RALGPS1: variants seen among roughly 807,000 people sequenced by gnomAD.
RALGPS1 encodes ras-specific guanine nucleotide-releasing factor RalGPS1.
Under a neutral mutation model 78.8 loss-of-function variants are expected in RALGPS1, and 19 were observed. The ratio of observed to expected loss-of-function variants is 0.24; its 90% CI spans 0.17 to 0.35. RALGPS1 has a LOEUF of 0.35. RALGPS1 is among the 10% of genes least tolerant of loss of function. The probability of loss-of-function intolerance (pLI) is 1.00; values close to 1 mark genes in which losing one functional copy is unlikely to be tolerated. For synonymous variants in RALGPS1, 228 were observed against 256.3 expected (o/e 0.89, Z 1.06); for missense variants, 454 against 688.3 (o/e 0.66, Z 3.81).
Position 127,168,751 on chromosome 9 carries a change from T to A in RALGPS1, c.821T>A (p.Phe274Tyr). The change falls in exon 10 of 19, where the codon TTT (phenylalanine) becomes TAT (tyrosine). Residue 274 changes from phenylalanine to tyrosine, a missense_variant. By Grantham distance (22) the Phe-to-Tyr change is conservative (BLOSUM62 3). Coordinates refer to ENST00000259351, the MANE Select transcript of RALGPS1 (RefSeq NM_014636.3). ...SVRYIEELQK[F>Y]VEDDNYKLSL... ...CGCTACATTGAAGAGCTCCAGAAGT[T>A]TGTGGAAGACGACAACTACAAGTAA... 1 of 1,612,114 alleles carries A rather than the reference T, an allele frequency of 6.2e-7. No homozygotes were observed. Among genetic ancestry groups the A allele is most frequent in the Non-Finnish European group, 8.5e-7 (1 of 1,178,136 alleles).
At chr9:127,160,146 G>A (rs755947609) in intron 8 of RALGPS1, among the ~76,000 whole-genome samples, 2 of 152,174 alleles carry the variant, frequency 1.3e-5, no homozygotes, top group African/African-American at 2.4e-5. Flanking sequence ...GGTGCCAGCC[G>A]TGGGCTTTGG....
At position 127,195,121 on chromosome 9, in the gene RALGPS1, T is replaced by A; in HGVS notation, c.941T>A (p.Phe314Tyr). 6.2e-7 allele frequency: 1 copy of A among 1,613,498 alleles called. No individual in the cohort carries two copies. The highest frequency in any genetic ancestry group is 1.1e-5 in the South Asian group (1 of 91,082). ...TCTGCTGGCTCCGGTTCTGCGAGGT[T>A]CAGCCGGAGGCCCACCTGTCCTGAC... ...GPSAGSGSARFSRRPTCPDTS... is the reference protein window; with the variant it reads ...GPSAGSGSARYSRRPTCPDTS... Residue 314 changes from phenylalanine to tyrosine, a missense_variant, in exon 12 of 19, where the codon TTC becomes TAC. Transcript: ENST00000259351.
At position 127,041,031 on chromosome 9, in the gene RALGPS1, T is replaced by TG. The variant is rs71493874; in HGVS notation, c.300+6517_300+6518insG. ...CTATGAATAAAGCTGCTACAAACAT[T>TG]TGTGTGTGTGTGTGTGTGTGTGTGT... On this transcript the variant is annotated intron_variant, in intron 5 of 18. Transcript: ENST00000259351. Among the ~76,000 whole-genome samples the TG allele has an allele frequency of 8.1e-5, 11 of 135,826 alleles. No homozygotes were observed. The East Asian group carries it at 1.5e-3, about 19-fold the overall frequency. The allele number at this position is 135,826 out of a possible 152,430, so 89.1% of individuals were successfully genotyped here.
intron 2 of RALGPS1, among the ~76,000 whole-genome samples, chr9:126,964,746 G>A (rs1425487576): frequency 1.3e-5 from 2 of 151,008 alleles, no homozygotes; most frequent in Non-Finnish European, 3.0e-5. Context: ...TTAAGTTCCT[G>A]CTCCTCTTTT....
intron 1 of RALGPS1, among the ~76,000 whole-genome samples, chr9:126,933,036 G>A (rs969523950): frequency 3.3e-5 from 5 of 152,148 alleles, no homozygotes; most frequent in Admixed American, 2.0e-4. Context: ...GGGTGGTGGT[G>A]AAGCTGGCGA....
chr9:127,042,865 T>C (rs2047439202), intron 5 of RALGPS1, among the ~76,000 whole-genome samples: 3 of 152,134 alleles, frequency 2.0e-5, no homozygotes, highest in Admixed American at 2.0e-4. Context: ...ATTGATTTCC[T>C]CTAGACCAGC....
At chr9:127,121,456 A>G (rs2056075469) in intron 8 of RALGPS1, among the ~76,000 whole-genome samples, 1 of 152,188 alleles carries the variant, frequency 6.6e-6, no homozygotes, top group South Asian at 2.1e-4. Context: ...GTGAAAGGAG[A>G]TGCTTTTCCA....
intron 1 of RALGPS1, among the ~76,000 whole-genome samples, chr9:126,943,685 G>C (rs2036984402): frequency 6.6e-6 from 1 of 152,100 alleles, no homozygotes; most frequent in Non-Finnish European, 1.5e-5. Flanking sequence ...GTCACCTGGG[G>C]TGTGCCCTTT....
chr9:127,214,615 T>G, intron 17 of RALGPS1, 136 bp from the exon 18 acceptor site: 1 of 1,376,730 alleles, frequency 7.3e-7, no homozygotes, highest in Non-Finnish European at 9.5e-7. Flanking sequence ...GGAGGCTGCT[T>G]TCTCTGCATG....
chr9:127,019,614 A>G (rs1232396367), intron 4 of RALGPS1, among the ~76,000 whole-genome samples: 5 of 152,134 alleles, frequency 3.3e-5, no homozygotes, highest in Admixed American at 6.5e-5. Context: ...GGTGTGAGCA[A>G]CCGCGCCTGG....
intron 8 of RALGPS1, chr9:127,093,717 C>T (rs1208053968): frequency 1.2e-6 from 2 of 1,613,162 alleles, no homozygotes; most frequent in Non-Finnish European, 1.7e-6. Flanking sequence ...CACAGACATC[C>T]CCTGCCGAGT....
intron 11 of RALGPS1, among the ~76,000 whole-genome samples, chr9:127,188,341 C>T (rs2060798453): frequency 6.6e-6 from 1 of 152,106 alleles, no homozygotes; most frequent in Non-Finnish European, 1.5e-5. Context: ...CACATGGAAC[C>T]CCTTGCGGGG....
chr9:127,018,467 C>G (rs1242675198), intron 4 of RALGPS1, among the ~76,000 whole-genome samples: 1 of 151,956 alleles, frequency 6.6e-6, no homozygotes, highest in Admixed American at 6.6e-5. Flanking sequence ...AACTCCGTCT[C>G]TACTAAAAAT....
At chr9:127,097,548 C>A (rs1476744639) in intron 8 of RALGPS1, among the ~76,000 whole-genome samples, 1 of 152,196 alleles carries the variant, frequency 6.6e-6, no homozygotes, top group African/African-American at 2.4e-5. Flanking sequence ...TGGCAAAGGT[C>A]AGAAACATCA....
chr9:126,964,093 C>T (rs367891911), intron 2 of RALGPS1, among the ~76,000 whole-genome samples: 4 of 151,870 alleles, frequency 2.6e-5, no homozygotes, highest in African/African-American at 9.7e-5. Context: ...TGTGGTGGCT[C>T]ATGCTTGTAA....
rs1379046710 is a variant in RALGPS1, at chr9:127,220,695, G to A, written c.*1926G>A. The A allele has an allele frequency of 1.3e-5, 2 of 152,240 alleles. No homozygotes were observed. The highest frequency in any genetic ancestry group is 2.9e-5 in the Non-Finnish European group (2 of 68,046). The allele number at this position is 152,240 out of a possible 1,614,324, so 9.4% of individuals were successfully genotyped here. A position where few individuals can be genotyped will look rare whatever the true frequency, so the allele number is the denominator to read the frequency against. On this transcript the variant is annotated 3_prime_UTR_variant, in exon 19 of 19. Transcript: ENST00000259351. ...TAACACTTTAACCTACATTGAATCT[G>A]ATTCTACCTGTTAACTTTTAAAAAG... is the stretch of plus-strand genomic sequence containing the variant.
intron 1 of RALGPS1, 68 bp from the exon 2 acceptor site, chr9:126,962,157 A>G (rs1359199625): frequency 5.0e-6 from 4 of 802,450 alleles, no homozygotes; most frequent in South Asian, 3.3e-5. Context: ...GTCTGGTACA[A>G]CTTTTGCCTG....
chr9:127,184,195 C>G (rs993833198), intron 11 of RALGPS1: 1 of 741,240 alleles, frequency 1.3e-6, no homozygotes, highest in Non-Finnish European at 2.2e-6. Context: ...CATGGTGGTG[C>G]GTGCCTACAG....
intron 8 of RALGPS1, among the ~76,000 whole-genome samples, chr9:127,105,630 C>G (rs2054144491): frequency 6.6e-6 from 1 of 152,222 alleles, no homozygotes; most frequent in Admixed American, 6.5e-5. Context: ...GGTATCACCA[C>G]AGTGATCAGA....
Sources: allele counts gnomAD v4.1 joint callset (sites outside exome capture counted in the v4.1 genomes callset), GRCh38; gene constraint gnomAD v4.1.1; transcripts MANE v1.5; gene names NCBI Gene and HGNC (gene_info 2026-07-23, HGNC 2026-07-21).